PRUNE1: variants seen among roughly 807,000 people sequenced by gnomAD.
The protein encoded by PRUNE1 is exopolyphosphatase PRUNE1.
A neutral mutation model predicts 42.5 loss-of-function variants in PRUNE1; 25 were observed. That is an observed-to-expected ratio of 0.59 (90% CI 0.43 to 0.82). PRUNE1 has a LOEUF of 0.82. PRUNE1 is among the 40% of genes least tolerant of loss of function. The probability of loss-of-function intolerance (pLI) is 0.00; values close to 1 mark genes in which losing one functional copy is unlikely to be tolerated. For missense variants in PRUNE1, 443 were observed against 539.3 expected (o/e 0.82, Z 1.77); for synonymous variants, 203 against 217.1 (o/e 0.93, Z 0.57).
In PRUNE1 at chr1:151,018,505, T is replaced by C. The variant is rs1674234736; in HGVS notation, c.171T>C (p.Asn57=). 1 of 1,613,704 alleles carries C rather than the reference T, an allele frequency of 6.2e-7. No homozygotes were observed. Among genetic ancestry groups the C allele is most frequent in the African/African-American group, 1.3e-5 (1 of 74,914 alleles). ...AGGAAGTCTTTGTGCCAGTTTTAAA[T>C]ATAAAACGTTCTGAACTACCTCTGC... ...EAEEVFVPVL[N]IKRSELPLRG... Residue 57 remains asparagine (N), a synonymous_variant, in exon 3 of 8, where the codon AAT becomes AAC. Coordinates refer to ENST00000271620, the MANE Select transcript of PRUNE1 (RefSeq NM_021222.3).
intron 7 of PRUNE1, among the ~76,000 whole-genome samples, chr1:151,030,943 C>T (rs1250610418): frequency 6.6e-6 from 1 of 152,158 alleles, no homozygotes; most frequent in Non-Finnish European, 1.5e-5. Flanking sequence ...AACGTAATAT[C>T]ATGTGTAAAG....
At chr1:151,021,546 C>T (rs1357527426) in intron 3 of PRUNE1, among the ~76,000 whole-genome samples, 1 of 152,060 alleles carries the variant, frequency 6.6e-6, no homozygotes. Context: ...TAATTTACTA[C>T]TGGAAAAAAC....
chr1:151,024,476 CA>C (rs1674692113), intron 3 of PRUNE1, 134 bp from the exon 4 acceptor site: 8 of 834,710 alleles, frequency 9.6e-6, no homozygotes, highest in Non-Finnish European at 1.5e-5. Context: ...GCCTGGGCGA[CA>C]AGAGTGAAAC....
intron 7 of PRUNE1, among the ~76,000 whole-genome samples, chr1:151,032,474 G>A (rs767126699): frequency 2.0e-5 from 3 of 151,950 alleles, no homozygotes; most frequent in Non-Finnish European, 4.4e-5. Flanking sequence ...CACTTTGGGA[G>A]GCCGAGGCGA....
rs1675422692 is a variant in PRUNE1, at chr1:151,034,153, ACT to A, written c.1286_1287del (p.Ser429CysfsTer2). On this transcript the variant is annotated frameshift_variant, in exon 8 of 8. Coordinates refer to ENST00000271620, the MANE Select transcript of PRUNE1 (RefSeq NM_021222.3). LOFTEE classifies it high-confidence loss of function. ...GCCCTCTAGATCAGGGGCTGCCTAA[ACT>A]CTCTGCTGAGGCCGTCTTCGAGAAG... ...ECPLDQGLPK[L>X]SAEAVFEKCS... is the part of the protein sequence containing the mutation. 9 of 1,613,922 alleles carry A rather than the reference ACT, an allele frequency of 5.6e-6. No homozygotes were observed. The highest frequency in any genetic ancestry group is 6.8e-6 in the Non-Finnish European group (8 of 1,179,990).
chr1:151,030,370 T>C (rs938331892), intron 7 of PRUNE1, among the ~76,000 whole-genome samples: 1 of 152,024 alleles, frequency 6.6e-6, no homozygotes, highest in Non-Finnish European at 1.5e-5. Context: ...AATCCTTTGC[T>C]CTCATAGAAG....
chr1:151,030,967 C>G (rs1675204654), intron 7 of PRUNE1, among the ~76,000 whole-genome samples: 3 of 152,256 alleles, frequency 2.0e-5, no homozygotes, highest in African/African-American at 4.8e-5. Context: ...ACTCCTGGAG[C>G]AGAGTAAGCA....
chr1:151,025,647 T>C lies in PRUNE1; in HGVS notation c.653T>C (p.Leu218Pro). Residue 218 changes from leucine (L) to proline (P), a missense_variant, in exon 5 of 8, where the codon CTA becomes CCA. By Grantham distance (98) the Leu-to-Pro change is moderately conservative. Transcript: ENST00000271620. ...LPKRNDIFDS[L>P]QKAKFDVSGL... ...AAGAGAAATGATATATTTGATTCCC[T>C]ACAAAAGGCAAAGTTTGATGTATCA... is the stretch of plus-strand genomic sequence containing the variant. 6.2e-7 allele frequency: 1 copy of C among 1,613,574 alleles called. No homozygotes were observed. The highest frequency in any genetic ancestry group is 8.5e-7 in the Non-Finnish European group (1 of 1,179,732).
chr1:151,019,556 C>CAAAA (rs61399605), intron 3 of PRUNE1, among the ~76,000 whole-genome samples: 1 of 106,216 alleles, frequency 9.4e-6, no homozygotes. Flanking sequence ...GACCCTGTCT[C>CAAAA]AAAAAAAAAA....
At chr1:151,009,323 C>T (rs587668533) in intron 1 of PRUNE1, among the ~76,000 whole-genome samples, 244 of 152,332 alleles carry the variant, frequency 1.6e-3, no homozygotes, top group Middle Eastern at 6.8e-3. Context: ...TTGGCCTTAA[C>T]GCACACAAAT....
At chr1:151,010,576 G>A (rs1053932027) in intron 1 of PRUNE1, among the ~76,000 whole-genome samples, 1 of 151,964 alleles carries the variant, frequency 6.6e-6, no homozygotes, top group African/African-American at 2.4e-5. Context: ...GCCTCTCCAG[G>A]GCCTGGAGAA....
chr1:151,026,636 A>G (rs1159461187), intron 5 of PRUNE1, among the ~76,000 whole-genome samples: 1 of 152,064 alleles, frequency 6.6e-6, no homozygotes, highest in Non-Finnish European at 1.5e-5. Flanking sequence ...AAAAAACTGT[A>G]TTCTTGTACT....
chr1:151,026,631 A>C (rs1379994130), intron 5 of PRUNE1, among the ~76,000 whole-genome samples: 1 of 152,026 alleles, frequency 6.6e-6, no homozygotes, highest in Non-Finnish European at 1.5e-5. Flanking sequence ...CCCAAAAAAA[A>C]CTGTATTCTT....
intron 1 of PRUNE1, among the ~76,000 whole-genome samples, chr1:151,015,770 T>C (rs998885480): frequency 1.3e-5 from 2 of 151,784 alleles, no homozygotes; most frequent in African/African-American, 4.8e-5. Flanking sequence ...CGCCATGCAC[T>C]CCAGCCTGGG....
chr1:151,017,959 G>T, intron 2 of PRUNE1, 55 bp downstream of exon 2: 2 of 1,276,246 alleles, frequency 1.6e-6, no homozygotes, highest in Non-Finnish European at 2.3e-6. Flanking sequence ...GAAAAGATCT[G>T]GATTCAAGAC....
chr1:151,022,455 G>T (rs1439215302), intron 3 of PRUNE1, among the ~76,000 whole-genome samples: 2 of 135,084 alleles, frequency 1.5e-5, no homozygotes, highest in Non-Finnish European at 3.1e-5. Context: ...GTCTCGCTCT[G>T]TCGCCCAGGC....
At chr1:151,019,494 T>G (rs746755853) in intron 3 of PRUNE1, among the ~76,000 whole-genome samples, 11 of 145,754 alleles carry the variant, frequency 7.5e-5, no homozygotes, top group Non-Finnish European at 1.5e-4. Flanking sequence ...AGGTCGAATC[T>G]GCAGTGAGCC....
chr1:151,018,243 A>G, intron 2 of PRUNE1: 3 of 720,564 alleles, frequency 4.2e-6, no homozygotes, highest in South Asian at 3.0e-5. Flanking sequence ...GCAGCATTGC[A>G]TCTAGAAATA....
Position 151,017,830 on chromosome 1 carries a change from G to A in PRUNE1, c.58G>A (p.Val20Ile), listed in dbSNP as rs1332055181. 1.8e-5 allele frequency: 29 copies of A among 1,599,304 alleles called. No individual in the cohort carries two copies. Among genetic ancestry groups the A allele is most frequent in the Non-Finnish European group, 2.2e-5 (26 of 1,166,862 alleles). ...AALQESRPLHVVLGNEACDLD... is the reference protein window; with the variant it reads ...AALQESRPLHIVLGNEACDLD... ...TCTCCAGGAGTCCCGACCTCTACAT[G>A]TTGTGCTGGGAAATGAAGCCTGTGA... The change falls in exon 2 of 8, where the codon GTT becomes ATT. Residue 20 changes from valine to isoleucine, a missense_variant. By Grantham distance (29) the Val-to-Ile change is conservative. Coordinates refer to ENST00000271620, the MANE Select transcript of PRUNE1 (RefSeq NM_021222.3).
Sources: allele counts gnomAD v4.1 joint callset (sites outside exome capture counted in the v4.1 genomes callset), GRCh38; gene constraint gnomAD v4.1.1; transcripts MANE v1.5; gene names NCBI Gene and HGNC (gene_info 2026-07-23, HGNC 2026-07-21).